The following PICALM variants were observed in gnomAD, a reference collection of about 807,000 sequenced individuals.
PICALM encodes phosphatidylinositol-binding clathrin assembly protein.
In PICALM, 40 loss-of-function variants were observed where a neutral mutation model predicts 80.5. The observed-to-expected ratio is 0.50, with a 90% CI of 0.39 to 0.65. The LOEUF (loss-of-function observed/expected upper bound fraction) is 0.65. PICALM is among the 30% of genes least tolerant of loss of function. The probability of loss-of-function intolerance (pLI) is 0.00; values close to 1 mark genes in which losing one functional copy is unlikely to be tolerated. For missense variants in PICALM, 676 were observed against 778.9 expected, an observed-to-expected ratio of 0.87 and a Z score of 1.57; for synonymous variants, 288 against 260.3, an observed-to-expected ratio of 1.11 and a Z score of -1.02.
chr11:86,027,677 G>A (rs567446585), intron 2 of PICALM, among the ~76,000 whole-genome samples: 2 of 151,824 alleles, frequency 1.3e-5, no homozygotes, highest in African/African-American at 4.8e-5. Context: ...GGCATGTCCA[G>A]CTCACATTTT....
chr11:85,969,674 A>G, intron 19 of PICALM: 1 of 419,958 alleles, frequency 2.4e-6, no homozygotes, highest in Admixed American at 2.6e-5. Context: ...TAGTTCAAAG[A>G]TAAACAGTTT....
intron 1 of PICALM, among the ~76,000 whole-genome samples, chr11:86,038,564 T>G (rs1197768029): frequency 6.6e-6 from 1 of 151,784 alleles, no homozygotes; most frequent in East Asian, 1.9e-4. Flanking sequence ...GGGTGGATCA[T>G]GAGGTCAGGA....
chr11:86,012,307 T>C lies in PICALM; in HGVS notation c.632A>G (p.Tyr211Cys). The C allele has an allele frequency of 6.2e-7, 1 of 1,601,584 alleles. No homozygotes were observed. The highest frequency in any genetic ancestry group is 8.5e-7 in the Non-Finnish European group (1 of 1,169,966). ...FKDAIRLFAAYNEGIINLLEK... is the reference protein window; with the variant it reads ...FKDAIRLFAACNEGIINLLEK... ...CAACAAATTAATAATTCCTTCATTGTATGCTGCAAACAGTCTAATGGCATC... is the reference window on the plus strand; with the variant it reads ...CAACAAATTAATAATTCCTTCATTGCATGCTGCAAACAGTCTAATGGCATC... Residue 211 changes from tyrosine (Y) to cysteine (C), a missense_variant, in exon 6 of 20, where the codon TAC (tyrosine) becomes TGC (cysteine). Physicochemically the swap from Tyr to Cys is radical, Grantham distance 194. Around this residue, in one of 2 missense-constraint regions of PICALM, gnomAD observed 285 missense variants for 395.4 expected, o/e 0.72. Transcript: ENST00000393346.
chr11:86,027,688 T>C (rs562072207), intron 2 of PICALM, among the ~76,000 whole-genome samples: 1 of 151,878 alleles, frequency 6.6e-6, no homozygotes, highest in Non-Finnish European at 1.5e-5. Flanking sequence ...CTCACATTTT[T>C]AAAAAAATTT....
At chr11:86,011,881 G>A (rs1025557190) in intron 6 of PICALM, among the ~76,000 whole-genome samples, 80 of 129,106 alleles carry the variant, frequency 6.2e-4, no homozygotes, top group African/African-American at 2.2e-3. Flanking sequence ...ACTGAGTTTC[G>A]CTCTTGTTGC....
At chr11:86,013,929 G>A (rs901363157) in intron 5 of PICALM, among the ~76,000 whole-genome samples, 2 of 152,102 alleles carry the variant, frequency 1.3e-5, no homozygotes, top group African/African-American at 2.4e-5. Flanking sequence ...ATACTATTGA[G>A]GACACTGAAG....
chr11:85,980,264 A>C (rs1348723595), intron 17 of PICALM, among the ~76,000 whole-genome samples: 2 of 152,362 alleles, frequency 1.3e-5, no homozygotes, highest in East Asian at 1.9e-4. Flanking sequence ...TGGGGAGTCC[A>C]TCATACTGCA....
intron 19 of PICALM, among the ~76,000 whole-genome samples, chr11:85,963,435 A>G (rs78823375): frequency 0.037 from 5,617 of 152,288 alleles, 154 homozygotes; most frequent in Non-Finnish European, 0.055. Context: ...CAAAATTCCC[A>G]CAGAGCCAAA....
chr11:86,044,118 C>G (rs766150476), intron 1 of PICALM, among the ~76,000 whole-genome samples: 10 of 152,164 alleles, frequency 6.6e-5, no homozygotes, highest in Non-Finnish European at 1.2e-4. Context: ...TATCACGGAG[C>G]TTATATACTA....
chr11:85,991,283 A>G (rs1427153252), intron 12 of PICALM, among the ~76,000 whole-genome samples: 1 of 152,208 alleles, frequency 6.6e-6, no homozygotes, highest in East Asian at 1.9e-4. Context: ...CATAATTAAA[A>G]TAAGAGGATA....
intron 1 of PICALM, among the ~76,000 whole-genome samples, chr11:86,065,332 G>A (rs980405439): frequency 1.3e-5 from 2 of 151,946 alleles, no homozygotes; most frequent in African/African-American, 4.8e-5. Flanking sequence ...TGTAGTCACA[G>A]CTACTCAAGA....
intron 1 of PICALM, among the ~76,000 whole-genome samples, chr11:86,063,064 G>T (rs949234652): frequency 2.6e-5 from 4 of 152,050 alleles, no homozygotes; most frequent in Non-Finnish European, 5.9e-5. Context: ...CAGAGCTGAA[G>T]AAAACAAAGG....
At chr11:86,009,364 T>A (rs796704315) in intron 7 of PICALM, among the ~76,000 whole-genome samples, 2 of 138,758 alleles carry the variant, frequency 1.4e-5, no homozygotes, top group African/African-American at 5.5e-5. Flanking sequence ...AAGAATAAGT[T>A]AACAGCAGAT....
intron 8 of PICALM, among the ~76,000 whole-genome samples, chr11:86,005,719 C>G (rs568164165): frequency 3.2e-4 from 45 of 142,300 alleles, no homozygotes; most frequent in Admixed American, 3.0e-3. Context: ...CTCCCTCCCC[C>G]AACAAAACCC....
At chr11:86,065,881 C>T (rs745908750) in intron 1 of PICALM, among the ~76,000 whole-genome samples, 22 of 151,956 alleles carry the variant, frequency 1.4e-4, no homozygotes, top group Admixed American at 3.9e-4. Flanking sequence ...AAGATCTTGG[C>T]GAGAAACTGA....
chr11:85,997,662 G>T (rs776107389), intron 11 of PICALM, among the ~76,000 whole-genome samples: 1 of 152,162 alleles, frequency 6.6e-6, no homozygotes, highest in Non-Finnish European at 1.5e-5. Flanking sequence ...ATAGAGACAG[G>T]GTTTCACCAT....
rs545011116 is a variant in PICALM, at chr11:86,062,524, A to G, written c.130+6127T>C. On this transcript the variant is annotated intron_variant, in intron 1 of 19. Transcript: ENST00000393346. ...CAAGAGCGAAACTCCGTCTCAAAAA[A>G]AAAAAAACCCTAATGTAAACCATGG... Among the ~76,000 whole-genome samples the G allele has an allele frequency of 3.3e-5, 5 of 152,212 alleles. No homozygotes were observed. In the South Asian group the frequency reaches 1.0e-3, roughly 32 times the overall value.
At chr11:86,006,406 C>T (rs765876737) in intron 8 of PICALM, among the ~76,000 whole-genome samples, 2 of 152,158 alleles carry the variant, frequency 1.3e-5, no homozygotes, top group Middle Eastern at 3.4e-3. Flanking sequence ...CCAACACTTT[C>T]GGAAGCCTAG....
intron 1 of PICALM, among the ~76,000 whole-genome samples, chr11:86,033,289 T>TAC (rs1279315628): frequency 6.6e-6 from 1 of 152,212 alleles, no homozygotes; most frequent in South Asian, 2.1e-4. Flanking sequence ...TATATATATA[T>TAC]ACTGTACTAT....
Sources: allele counts gnomAD v4.1 joint callset (sites outside exome capture counted in the v4.1 genomes callset), GRCh38; gene constraint gnomAD v4.1.1; regional missense constraint gnomAD v4.1.1; transcripts MANE v1.5; gene names NCBI Gene and HGNC (gene_info 2026-07-23, HGNC 2026-07-21).